The following ZPBP variants were observed in gnomAD, a reference collection of about 807,000 sequenced individuals.
ZPBP encodes the protein zona pellucida-binding protein 1.
A neutral mutation model predicts 44.8 loss-of-function variants in ZPBP; 26 were observed. The observed-to-expected ratio is 0.58, with a 90% CI of 0.43 to 0.81. The LOEUF (loss-of-function observed/expected upper bound fraction) is 0.81, where lower values mean the gene tolerates loss of function less well. Ranked by LOEUF, ZPBP falls within the 30% of genes least tolerant of loss-of-function variation. The pLI is 0.00. For synonymous variants in ZPBP, 174 were observed against 153.2 expected (o/e 1.14, Z -1.00); for missense variants, 409 against 434.0 (o/e 0.94, Z 0.51).
intron 7 of ZPBP, among the ~76,000 whole-genome samples, chr7:49,982,894 G>T (rs538913913): frequency 5.9e-5 from 9 of 152,062 alleles, no homozygotes; most frequent in African/African-American, 2.2e-4. Context: ...CTCAGATCCT[G>T]TAGTGCTAGG....
chr7:49,850,948 C>G (rs1790153827), intron 2 of ZPBP, among the ~76,000 whole-genome samples: 1 of 152,204 alleles, frequency 6.6e-6, no homozygotes, highest in South Asian at 2.1e-4. Context: ...CCTGGGGCTG[C>G]CACAGCAAAT....
chr7:50,083,884 C>A lies in ZPBP; in HGVS notation c.209-1985G>T, dbSNP rs186923467. On this transcript the variant is annotated intron_variant, in intron 2 of 7. Transcript: ENST00000046087. ...AGTAATTATTTAAAGAAAATAATAC[C>A]TTTATGTCTGAACCAGTTATAGAAA... Among the ~76,000 whole-genome samples, 256 of 151,960 alleles carry A rather than the reference C, an allele frequency of 1.7e-3. 1 individual carries two copies. Among genetic ancestry groups the A allele is most frequent in the Middle Eastern group, 0.01 (3 of 294 alleles).
chr7:50,024,264 T>TA (rs1338294954), intron 5 of ZPBP, among the ~76,000 whole-genome samples: 1 of 151,186 alleles, frequency 6.6e-6, no homozygotes, highest in African/African-American at 2.4e-5. Context: ...CTAAAGAAAT[T>TA]AAAAATAGAA....
chr7:50,042,670 A>C (rs1250698635), intron 4 of ZPBP, among the ~76,000 whole-genome samples: 1 of 152,248 alleles, frequency 6.6e-6, no homozygotes, highest in Non-Finnish European at 1.5e-5. Context: ...TGAAGGAAGC[A>C]CTAAATATGG....
chr7:49,964,113 C>A (rs1466358791), intron 7 of ZPBP, among the ~76,000 whole-genome samples: 1 of 151,742 alleles, frequency 6.6e-6, no homozygotes, highest in Admixed American at 6.6e-5. Flanking sequence ...AATAAAATAT[C>A]TCAGTAAACT....
At chr7:49,988,403 T>C (rs1464551391) in intron 6 of ZPBP, among the ~76,000 whole-genome samples, 4 of 152,158 alleles carry the variant, frequency 2.6e-5, no homozygotes, top group Non-Finnish European at 5.9e-5. Context: ...ACAAGATTAT[T>C]TGACATGTTT....
intron 2 of ZPBP, among the ~76,000 whole-genome samples, chr7:49,887,692 C>A (rs1445737969): frequency 1.3e-5 from 2 of 148,552 alleles, no homozygotes; most frequent in Non-Finnish European, 2.9e-5. Context: ...CAGAGAGGTT[C>A]ATCCCGGGGC....
intron 7 of ZPBP, among the ~76,000 whole-genome samples, chr7:49,977,558 T>G (rs1307798041): frequency 6.6e-6 from 1 of 152,196 alleles, no homozygotes; most frequent in Non-Finnish European, 1.5e-5. Context: ...ACCTGCAACC[T>G]AATCATTTCT....
intron 1 of ZPBP, chr7:49,913,936 A>T (rs975103556): frequency 2.0e-5 from 3 of 152,316 alleles, no homozygotes; most frequent in East Asian, 1.9e-4. Context: ...TGTCTTGTTC[A>T]TAAAGAACAC....
intron 7 of ZPBP, among the ~76,000 whole-genome samples, chr7:49,966,508 A>C (rs999756827): frequency 1.3e-5 from 2 of 152,180 alleles, no homozygotes; most frequent in African/African-American, 4.8e-5. Flanking sequence ...CTAATAGCTA[A>C]ATTAAATTAG....
At chr7:49,886,434 T>A (rs1288143605) in intron 2 of ZPBP, among the ~76,000 whole-genome samples, 1 of 152,220 alleles carries the variant, frequency 6.6e-6, no homozygotes, top group African/African-American at 2.4e-5. Context: ...TACTTTTTAA[T>A]TTTGATTTCA....
chr7:50,019,460 T>C (rs144124271), intron 5 of ZPBP, among the ~76,000 whole-genome samples: 1 of 152,250 alleles, frequency 6.6e-6, no homozygotes, highest in East Asian at 1.9e-4. Flanking sequence ...AGTATTTACA[T>C]AAGTTGTACT....
chr7:49,932,342 G>A (rs1260951592), intron 1 of ZPBP, among the ~76,000 whole-genome samples: 3 of 152,242 alleles, frequency 2.0e-5, no homozygotes, highest in Admixed American at 6.5e-5. Context: ...AAGCCACAGG[G>A]GTGGAGCTTC....
chr7:49,955,556 C>CA (rs113518107), intron 7 of ZPBP, among the ~76,000 whole-genome samples: 60 of 140,132 alleles, frequency 4.3e-4, no homozygotes, highest in Admixed American at 5.7e-4. Flanking sequence ...GACTCTGTCT[C>CA]AAAAAAAAAA....
chr7:49,991,116 T>C (rs986442135), intron 6 of ZPBP, among the ~76,000 whole-genome samples: 1 of 152,052 alleles, frequency 6.6e-6, no homozygotes, highest in Non-Finnish European at 1.5e-5. Flanking sequence ...TCAAAAGGGG[T>C]TGGAAAAATA....
intron 6 of ZPBP, among the ~76,000 whole-genome samples, chr7:49,994,638 G>A (rs986036498): frequency 6.6e-6 from 1 of 152,176 alleles, no homozygotes; most frequent in Non-Finnish European, 1.5e-5. Context: ...CTCTCCGAAG[G>A]AGAGTAATTA....
intron 6 of ZPBP, among the ~76,000 whole-genome samples, chr7:50,009,460 C>A (rs144977971): frequency 6.6e-6 from 1 of 152,026 alleles, no homozygotes; most frequent in Non-Finnish European, 1.5e-5. Context: ...CCACTTACCC[C>A]AGCAGGCTCC....
intron 1 of ZPBP, among the ~76,000 whole-genome samples, chr7:50,091,631 T>C (rs1476197920): frequency 3.9e-5 from 6 of 152,242 alleles, no homozygotes; most frequent in Non-Finnish European, 8.8e-5. Context: ...ATAAGCTCCA[T>C]TGATAGTGGG....
intron 2 of ZPBP, among the ~76,000 whole-genome samples, chr7:49,871,536 A>C (rs1008437542): frequency 2.6e-5 from 4 of 152,140 alleles, no homozygotes; most frequent in Non-Finnish European, 4.4e-5. Context: ...TGTGTCTTTA[A>C]GCAGAAAAAC....
Sources: gnomAD v4.1 joint callset for allele counts (sites outside exome capture counted in the v4.1 genomes callset) on GRCh38, gnomAD v4.1.1 for gene constraint, MANE v1.5 for transcripts, NCBI Gene and HGNC (gene_info 2026-07-23, HGNC 2026-07-21) for gene names.